Variants in PHACTR3 observed in about 807,000 individuals in gnomAD.
The protein encoded by PHACTR3 is protein phosphatase 1, regulatory subunit 123.
PHACTR3 carries 16 observed loss-of-function variants against 66.8 expected under a neutral mutation model. That is an observed-to-expected ratio of 0.24 (90% CI 0.16 to 0.36). PHACTR3 has a LOEUF of 0.36. Among genes scored for constraint, PHACTR3 ranks in the 10% least tolerant of loss-of-function variants. PHACTR3 has a pLI of 1.00. For missense variants in PHACTR3, 647 were observed against 719.9 expected, an observed-to-expected ratio of 0.90 and a Z score of 1.16; for synonymous variants, 323 against 292.1, an observed-to-expected ratio of 1.11 and a Z score of -1.08.
chr20:59,757,936 C>T (rs1306484121), intron 4 of PHACTR3, among the ~76,000 whole-genome samples: 1 of 152,208 alleles, frequency 6.6e-6, no homozygotes, highest in Non-Finnish European at 1.5e-5. Context: ...CACCACTGCA[C>T]TCCAGTCTGG....
chr20:59,787,589 GC>G (rs1760373401), intron 7 of PHACTR3, among the ~76,000 whole-genome samples: 2 of 152,148 alleles, frequency 1.3e-5, no homozygotes, highest in African/African-American at 4.8e-5. Context: ...AACAACCGTG[GC>G]ACACACAAAA....
intron 1 of PHACTR3, among the ~76,000 whole-genome samples, chr20:59,683,485 C>CTTT: frequency 7.1e-6 from 1 of 140,866 alleles, no homozygotes; most frequent in African/African-American, 2.7e-5. Flanking sequence ...TAAACCAGGT[C>CTTT]TTTTTTTTTT....
At chr20:59,597,984 C>T (rs183749685) in intron 1 of PHACTR3, among the ~76,000 whole-genome samples, 7 of 152,332 alleles carry the variant, frequency 4.6e-5, no homozygotes, top group African/African-American at 1.2e-4. Flanking sequence ...TAGCTAGAGT[C>T]GGAGCATGCA....
intron 1 of PHACTR3, among the ~76,000 whole-genome samples, chr20:59,621,330 C>A (rs1035205764): frequency 6.6e-6 from 1 of 152,230 alleles, no homozygotes; most frequent in Non-Finnish European, 1.5e-5. Flanking sequence ...GGGGCTTGCC[C>A]AGACTCCTGC....
chr20:59,673,724 T>C (rs1405965329), intron 1 of PHACTR3, among the ~76,000 whole-genome samples: 3 of 152,138 alleles, frequency 2.0e-5, no homozygotes, highest in African/African-American at 7.2e-5. Context: ...AGTGAGCTCT[T>C]GGATGGGCCC....
chr20:59,828,733 C>A (rs899151152), intron 8 of PHACTR3, among the ~76,000 whole-genome samples: 1 of 151,948 alleles, frequency 6.6e-6, no homozygotes, highest in African/African-American at 2.4e-5. Context: ...GGAGGGGCTG[C>A]TGGAGGGGTC....
At chr20:59,732,252 C>A (rs1452601340) in intron 1 of PHACTR3, among the ~76,000 whole-genome samples, 1 of 152,196 alleles carries the variant, frequency 6.6e-6, no homozygotes, top group Admixed American at 6.5e-5. Context: ...AGATGGTAAA[C>A]TGAAGAGCAG....
At chr20:59,729,441 T>C (rs1003423343) in intron 1 of PHACTR3, among the ~76,000 whole-genome samples, 4 of 152,026 alleles carry the variant, frequency 2.6e-5, no homozygotes, top group Middle Eastern at 6.8e-3. Context: ...GGCAAAGAAA[T>C]TGCATGGCCC....
At chr20:59,648,990 G>A (rs930749428) in intron 1 of PHACTR3, among the ~76,000 whole-genome samples, 2 of 152,178 alleles carry the variant, frequency 1.3e-5, no homozygotes, top group African/African-American at 2.4e-5. Context: ...TATAGGCATC[G>A]AAGCATCAGT....
chr20:59,786,045 A>T (rs1390558875), intron 7 of PHACTR3, among the ~76,000 whole-genome samples: 1 of 152,202 alleles, frequency 6.6e-6, no homozygotes, highest in African/African-American at 2.4e-5. Context: ...AGGTCAGAAT[A>T]TCCTTCCCCT....
In PHACTR3 at chr20:59,604,684, A is replaced by G; in HGVS notation, c.-331A>G. Reference sequence around the variant, plus strand: ...AGCACGCAATAAACACTGACAAGAAAAAGTTTTTATTTCCTGGTTCAACTT... The same window carrying G: ...AGCACGCAATAAACACTGACAAGAAGAAGTTTTTATTTCCTGGTTCAACTT... On this transcript the variant is annotated 5_prime_UTR_variant, in exon 1 of 13. Coordinates refer to ENST00000371015, the MANE Select transcript of PHACTR3 (RefSeq NM_080672.5). 9.9e-7 allele frequency: 1 copy of G among 1,014,652 alleles called. No homozygotes were observed. Among genetic ancestry groups the G allele is most frequent in the Non-Finnish European group, 1.2e-6 (1 of 850,162 alleles). The allele number at this position is 1,014,652 out of a possible 1,614,324, so 62.9% of individuals were successfully genotyped here.
intron 1 of PHACTR3, among the ~76,000 whole-genome samples, chr20:59,651,707 T>C (rs1028795773): frequency 1.3e-5 from 2 of 152,132 alleles, no homozygotes; most frequent in African/African-American, 4.8e-5. Flanking sequence ...CAAAGGGGTA[T>C]CGGAAGACAA....
At chr20:59,785,756 A>G (rs2040884155) in intron 7 of PHACTR3, among the ~76,000 whole-genome samples, 1 of 152,224 alleles carries the variant, frequency 6.6e-6, no homozygotes, top group African/African-American at 2.4e-5. Context: ...CAGCACCAGC[A>G]TCTGTCCAGT....
At chr20:59,675,018 A>C (rs1046476811) in intron 1 of PHACTR3, among the ~76,000 whole-genome samples, 40 of 47,750 alleles carry the variant, frequency 8.4e-4, no homozygotes, top group African/African-American at 2.0e-3. Flanking sequence ...GTTCCTCCCC[A>C]TTCTCCTCCC....
intron 1 of PHACTR3, among the ~76,000 whole-genome samples, chr20:59,629,845 G>A (rs569585165): frequency 6.6e-6 from 1 of 152,328 alleles, no homozygotes; most frequent in East Asian, 1.9e-4. Context: ...TCTTCCCACT[G>A]ACTGATGGCA....
At chr20:59,644,711 A>G (rs2035224222) in intron 1 of PHACTR3, among the ~76,000 whole-genome samples, 1 of 152,210 alleles carries the variant, frequency 6.6e-6, no homozygotes, top group South Asian at 2.1e-4. Context: ...CTCCAGGCAC[A>G]GGCTGCACCT....
intron 1 of PHACTR3, chr20:59,627,000 C>G (rs537856973): frequency 6.6e-6 from 1 of 152,318 alleles, no homozygotes; most frequent in African/African-American, 2.4e-5. Context: ...TACATATCAG[C>G]TCCCTTATAC....
At chr20:59,622,981 CAA>C (rs71183177) in intron 1 of PHACTR3, among the ~76,000 whole-genome samples, 338 of 32,226 alleles carry the variant, frequency 0.01, 40 homozygotes, top group African/African-American at 0.033. Flanking sequence ...CAGCTTTAAC[CAA>C]AAAAAAAAAA....
At position 59,578,916 on chromosome 20, in the gene PHACTR3, G is replaced by C. The variant is rs1282614948; in HGVS notation, c.109+1299G>C. Among the ~76,000 whole-genome samples the C allele has an allele frequency of 2.0e-5, 3 of 152,192 alleles. No homozygotes were observed. The South Asian group carries it at 6.2e-4, about 31-fold the overall frequency. On this transcript the variant is annotated intron_variant, in intron 1 of 12. Coordinates refer to the PHACTR3 transcript ENST00000359926. ...TCATCAGGAATATTGAGCCCCTACTGAGCGCCAGTCCCAGTGCTGAGCTCC... is the reference window on the plus strand; with the variant it reads ...TCATCAGGAATATTGAGCCCCTACTCAGCGCCAGTCCCAGTGCTGAGCTCC...
Sources: allele counts gnomAD v4.1 joint callset (sites outside exome capture counted in the v4.1 genomes callset), GRCh38; gene constraint gnomAD v4.1.1; transcripts MANE v1.5; gene names NCBI Gene and HGNC (gene_info 2026-07-23, HGNC 2026-07-21).